The following CNTN5 variants were observed in gnomAD, a reference collection of about 807,000 sequenced individuals.
The protein encoded by CNTN5 is contactin 5, also known as contactin-5.
A neutral mutation model predicts 129.1 loss-of-function variants in CNTN5; 77 were observed. The observed-to-expected ratio is 0.60, with a 90% confidence interval of 0.50 to 0.72. CNTN5 has a LOEUF of 0.72. Ranked by LOEUF, CNTN5 falls within the 30% of genes least tolerant of loss-of-function variation. CNTN5 has a pLI of 0.00. For missense variants in CNTN5, 1,478 were observed against 1,328.8 expected, an observed-to-expected ratio of 1.11 and a Z score of -1.75; for synonymous variants, 509 against 465.6, an observed-to-expected ratio of 1.09 and a Z score of -1.20.
intron 4 of CNTN5, among the ~76,000 whole-genome samples, chr11:99,826,845 A>C (rs1946975237): frequency 6.6e-6 from 1 of 152,188 alleles, no homozygotes; most frequent in Non-Finnish European, 1.5e-5. Flanking sequence ...ACCTCTGAGC[A>C]TGCAGATTTA....
intron 1 of CNTN5, among the ~76,000 whole-genome samples, chr11:99,086,213 T>A (rs750157573): frequency 6.6e-6 from 1 of 152,196 alleles, no homozygotes; most frequent in Non-Finnish European, 1.5e-5. Flanking sequence ...AGCTCCCAAA[T>A]GCAAAGTGGA....
intron 1 of CNTN5, among the ~76,000 whole-genome samples, chr11:99,021,487 A>G (rs967352015): frequency 6.6e-6 from 1 of 152,236 alleles, no homozygotes; most frequent in Non-Finnish European, 1.5e-5. Flanking sequence ...AGTTGAAACA[A>G]GAGTAAATAT....
intron 21 of CNTN5, among the ~76,000 whole-genome samples, chr11:100,313,516 T>G (rs1951514608): frequency 6.6e-6 from 1 of 151,978 alleles, no homozygotes. Context: ...AAGAGTTCTA[T>G]TTAATCACAT....
intron 21 of CNTN5, among the ~76,000 whole-genome samples, chr11:100,324,423 C>A (rs552761327): frequency 6.6e-6 from 1 of 152,218 alleles, no homozygotes; most frequent in East Asian, 1.9e-4. Flanking sequence ...GGAAGTGGGG[C>A]ATGGTTGCAG....
At chr11:100,102,510 C>T (rs1005583309) in intron 13 of CNTN5, among the ~76,000 whole-genome samples, 8 of 151,458 alleles carry the variant, frequency 5.3e-5, no homozygotes, top group Admixed American at 2.0e-4. Context: ...GAATAAGAGA[C>T]GTGGGAGAAT....
At chr11:100,070,047 G>A (rs1460324139) in intron 10 of CNTN5, among the ~76,000 whole-genome samples, 2 of 151,624 alleles carry the variant, frequency 1.3e-5, no homozygotes, top group Non-Finnish European at 2.9e-5. Flanking sequence ...TAGATACACT[G>A]TATATTTCTA....
intron 13 of CNTN5, among the ~76,000 whole-genome samples, chr11:100,091,406 GT>G (rs748376356): frequency 2.9e-5 from 4 of 139,098 alleles, no homozygotes; most frequent in Non-Finnish European, 6.3e-5. Context: ...GTTCTTTTTG[GT>G]TTATTTTTTA....
At chr11:100,161,872 C>CAA (rs1555025978) in intron 13 of CNTN5, among the ~76,000 whole-genome samples, 1 of 127,672 alleles carries the variant, frequency 7.8e-6, no homozygotes, top group Non-Finnish European at 1.7e-5. Flanking sequence ...CACACACACA[C>CAA]AAAACAAAAA....
chr11:100,252,761 T>C (rs1226114862), intron 16 of CNTN5, among the ~76,000 whole-genome samples: 1 of 152,162 alleles, frequency 6.6e-6, no homozygotes, highest in African/African-American at 2.4e-5. Flanking sequence ...TGGATGCAAG[T>C]TGGATCTCTC....
At chr11:99,673,502 G>A (rs188887691) in intron 3 of CNTN5, among the ~76,000 whole-genome samples, 6 of 152,226 alleles carry the variant, frequency 3.9e-5, no homozygotes, top group African/African-American at 7.2e-5. Flanking sequence ...CATAGGTAAA[G>A]TGTGACATGG....
chr11:100,295,275 T>C (rs1951078385), intron 18 of CNTN5, among the ~76,000 whole-genome samples: 1 of 151,566 alleles, frequency 6.6e-6, no homozygotes, highest in Non-Finnish European at 1.5e-5. Flanking sequence ...GGAGCTGATT[T>C]CAAGTAGTAA....
At chr11:99,067,385 T>C (rs1229625685) in intron 1 of CNTN5, among the ~76,000 whole-genome samples, 1 of 145,828 alleles carries the variant, frequency 6.9e-6, no homozygotes, top group African/African-American at 2.6e-5. Context: ...GTTCTGCCAA[T>C]GGAGACATGT....
At chr11:100,056,140 A>C (rs11222564) in intron 9 of CNTN5, among the ~76,000 whole-genome samples, 92,988 of 151,340 alleles carry the variant, frequency 0.61, 29,187 homozygotes, top group East Asian at 0.94. Flanking sequence ...TTTTAATCTG[A>C]ATATTTACTT....
At chr11:100,337,800 G>A (rs1952065781) in intron 21 of CNTN5, among the ~76,000 whole-genome samples, 1 of 152,206 alleles carries the variant, frequency 6.6e-6, no homozygotes, top group South Asian at 2.1e-4. Flanking sequence ...TTGAAGCTCA[G>A]AGGGAGATGG....
chr11:99,131,410 G>A (rs563515648), intron 1 of CNTN5, among the ~76,000 whole-genome samples: 7 of 151,944 alleles, frequency 4.6e-5, no homozygotes, highest in Non-Finnish European at 7.4e-5. Flanking sequence ...CAAGCTCAGA[G>A]TGGAACTGAA....
rs147135935 is a variant in CNTN5, at chr11:99,525,742, A to C, written c.-70-30403A>C. On this transcript the variant is annotated intron_variant, in intron 2 of 24. Transcript: ENST00000524871. ...GTTTTAATAGCCAGGCAGAGAGCCAATAATCAATAGAGTCTTGAGCGTGAA... is the reference window on the plus strand; with the variant it reads ...GTTTTAATAGCCAGGCAGAGAGCCACTAATCAATAGAGTCTTGAGCGTGAA... Among the ~76,000 whole-genome samples, 318 of 152,382 alleles carry C rather than the reference A, an allele frequency of 2.1e-3. 3 individuals are homozygous for C. Among genetic ancestry groups the C allele is most frequent in the Non-Finnish European group, 1.8e-3 (125 of 68,042 alleles).
intron 2 of CNTN5, among the ~76,000 whole-genome samples, chr11:99,448,740 A>C (rs1363932693): frequency 9.4e-6 from 1 of 106,710 alleles, no homozygotes; most frequent in Non-Finnish European, 2.3e-5. Context: ...TTTTTATTTT[A>C]TTTTATTTTA....
intron 3 of CNTN5, among the ~76,000 whole-genome samples, chr11:99,724,765 T>G (rs946498326): frequency 6.6e-6 from 1 of 152,080 alleles, no homozygotes; most frequent in Admixed American, 6.5e-5. Flanking sequence ...AAAAAAAAAT[T>G]ACAAAAACAC....
chr11:99,464,542 C>A (rs1200533831), intron 2 of CNTN5, among the ~76,000 whole-genome samples: 1 of 152,116 alleles, frequency 6.6e-6, no homozygotes, highest in African/African-American at 2.4e-5. Context: ...GCTATGACTT[C>A]TTGGTCCCTT....
Sources: gnomAD v4.1 joint callset for allele counts (sites outside exome capture counted in the v4.1 genomes callset) on GRCh38, gnomAD v4.1.1 for gene constraint, MANE v1.5 for transcripts, NCBI Gene and HGNC (gene_info 2026-07-23, HGNC 2026-07-21) for gene names.